Variants in RBFOX1 observed in about 807,000 individuals in gnomAD.
RBFOX1 encodes the protein RNA binding protein fox-1 homolog 1.
A neutral mutation model predicts 57.7 loss-of-function variants in RBFOX1; 8 were observed. That is an observed-to-expected ratio of 0.14 (90% confidence interval 0.08 to 0.25). RBFOX1 has a LOEUF of 0.25. Ranked by LOEUF, RBFOX1 falls within the 10% of genes least tolerant of loss-of-function variation. The pLI, the probability that RBFOX1 is intolerant of heterozygous loss-of-function variation, is 1.00. For synonymous variants in RBFOX1, 326 were observed against 222.4 expected (o/e 1.47, Z -4.15); for missense variants, 611 against 548.5 (o/e 1.11, Z -1.14).
intron 4 of RBFOX1, among the ~76,000 whole-genome samples, chr16:7,430,480 T>A (rs1396085800): frequency 6.6e-6 from 1 of 151,874 alleles, no homozygotes; most frequent in Admixed American, 6.6e-5. Context: ...GCTAACAAGG[T>A]GAAACCCCGT....
intron 1 of RBFOX1, among the ~76,000 whole-genome samples, chr16:6,094,242 C>G (rs965779221): frequency 5.9e-5 from 9 of 152,150 alleles, no homozygotes. Flanking sequence ...CTTTGACGGC[C>G]TCCTTGCATT....
At chr16:5,847,746 T>C (rs2056793443) in intron 3 of RBFOX1, among the ~76,000 whole-genome samples, 1 of 152,076 alleles carries the variant, frequency 6.6e-6, no homozygotes. Flanking sequence ...ACAGCCTCAC[T>C]CTCTCGGTCC....
intron 4 of RBFOX1, among the ~76,000 whole-genome samples, chr16:7,054,973 C>T (rs1351669280): frequency 6.6e-6 from 1 of 152,148 alleles, no homozygotes; most frequent in Non-Finnish European, 1.5e-5. Context: ...TAGGAATTGG[C>T]GTATCCAATA....
intron 3 of RBFOX1, among the ~76,000 whole-genome samples, chr16:5,717,526 C>T (rs146892113): frequency 2.0e-5 from 3 of 152,122 alleles, no homozygotes; most frequent in Non-Finnish European, 4.4e-5. Flanking sequence ...CCCTTAGTCC[C>T]CAAAGTCCAT....
chr16:7,026,283 G>A (rs2040904090), intron 3 of RBFOX1, among the ~76,000 whole-genome samples: 1 of 152,164 alleles, frequency 6.6e-6, no homozygotes, highest in South Asian at 2.1e-4. Context: ...TGGAGGCGTG[G>A]AGATTGCCAC....
intron 1 of RBFOX1, among the ~76,000 whole-genome samples, chr16:5,440,405 G>A (rs1370714771): frequency 6.6e-6 from 1 of 152,126 alleles, no homozygotes; most frequent in Non-Finnish European, 1.5e-5. Flanking sequence ...AAAGCTATGG[G>A]TTATCTTTTG....
At position 6,940,183 on chromosome 16, in the gene RBFOX1, C is replaced by G. The variant is rs531626485; in HGVS notation, c.-15-111874C>G. ...CTCCAGTCTGGGCAACAGAGTGAGA[C>G]TCCATCTCAAAAATAAAAATAAATA... On this transcript the variant is annotated intron_variant, in intron 3 of 15. Transcript: ENST00000550418. Among the ~76,000 whole-genome samples, 67 of 149,296 alleles carry G rather than the reference C, an allele frequency of 4.5e-4. 2 individuals are homozygous for G. The East Asian group carries it at 9.8e-3, about 22-fold the overall frequency.
chr16:7,591,103 A>C (rs1032435145), intron 7 of RBFOX1, among the ~76,000 whole-genome samples: 6 of 152,056 alleles, frequency 3.9e-5, no homozygotes, highest in Non-Finnish European at 8.8e-5. Flanking sequence ...ATATTGTGAG[A>C]AGGCTTCTGG....
At chr16:7,379,405 C>T (rs957157101) in intron 4 of RBFOX1, among the ~76,000 whole-genome samples, 2 of 152,140 alleles carry the variant, frequency 1.3e-5, no homozygotes, top group Non-Finnish European at 2.9e-5. Flanking sequence ...AAATAGAACA[C>T]TTGTGTGCAA....
intron 4 of RBFOX1, among the ~76,000 whole-genome samples, chr16:7,299,923 C>T (rs2095990477): frequency 6.6e-6 from 1 of 152,146 alleles, no homozygotes; most frequent in African/African-American, 2.4e-5. Context: ...TTTCACCTTA[C>T]CATGGATTTA....
intron 1 of RBFOX1, among the ~76,000 whole-genome samples, chr16:5,245,983 C>T (rs1360401242): frequency 6.6e-6 from 1 of 152,188 alleles, no homozygotes; most frequent in Admixed American, 6.5e-5. Context: ...GTGGCTCACA[C>T]CTGTAATACC....
At chr16:5,803,843 C>G (rs1453979798) in intron 3 of RBFOX1, among the ~76,000 whole-genome samples, 1 of 152,146 alleles carries the variant, frequency 6.6e-6, no homozygotes, top group African/African-American at 2.4e-5. Context: ...CTTTCCTCTC[C>G]TGGTCTTCTG....
rs900058396 is a variant in RBFOX1, at chr16:7,407,371, T to TGG, written c.28-110774_28-110773dup. ...GAATTTTGACTTCAAGGGATTTGTA[T>TGG]GGGTGTGTGTGTGTGTGTGTGTGTG... On this transcript the variant is annotated intron_variant, in intron 4 of 15. Coordinates refer to ENST00000550418, the MANE Select transcript of RBFOX1 (RefSeq NM_018723.4). Among the ~76,000 whole-genome samples the TGG allele has an allele frequency of 4.9e-3, 333 of 67,524 alleles. 1 individual carries two copies. Among genetic ancestry groups the TGG allele is most frequent in the African/African-American group, 0.014 (320 of 23,698 alleles). The allele number at this position is 67,524 out of a possible 152,430, so 44.3% of individuals were successfully genotyped here.
intron 3 of RBFOX1, among the ~76,000 whole-genome samples, chr16:6,933,231 TTTCAG>T (rs2076842726): frequency 6.6e-6 from 1 of 152,236 alleles, no homozygotes; most frequent in Admixed American, 6.5e-5. Context: ...GAGTCCCTGC[TTTCAG>T]TTGTCTTGGG....
At chr16:7,641,591 G>A (rs1209431754) in intron 11 of RBFOX1, among the ~76,000 whole-genome samples, 5 of 152,078 alleles carry the variant, frequency 3.3e-5, no homozygotes, top group East Asian at 1.9e-4. Flanking sequence ...ACCATCTATG[G>A]GTATTTATTA....
Position 7,558,512 on chromosome 16 carries a change from C to T in RBFOX1, c.271-21265C>T, listed in dbSNP as rs111722376. ...ACACATATTTTCGTATATGTATATA[C>T]ATATACAACATATATTAATATGTAT... On this transcript the variant is annotated intron_variant, in intron 5 of 15. Transcript: ENST00000550418. Among the ~76,000 whole-genome samples the T allele has an allele frequency of 3.0e-3, 463 of 151,938 alleles. 5 individuals carry two copies. The highest frequency in any genetic ancestry group is 0.011 in the African/African-American group (439 of 41,406).
intron 4 of RBFOX1, among the ~76,000 whole-genome samples, chr16:7,477,377 G>T (rs2062956171): frequency 6.6e-6 from 1 of 152,144 alleles, no homozygotes; most frequent in South Asian, 2.1e-4. Flanking sequence ...GCTCCAGTTT[G>T]GGTCTATGAA....
intron 4 of RBFOX1, among the ~76,000 whole-genome samples, chr16:7,279,913 C>T (rs929292996): frequency 1.3e-5 from 2 of 152,196 alleles, no homozygotes; most frequent in African/African-American, 2.4e-5. Flanking sequence ...TGGTCCTGAT[C>T]AGGTATGACC....
At chr16:7,055,026 T>C (rs2051642982) in intron 4 of RBFOX1, among the ~76,000 whole-genome samples, 1 of 152,188 alleles carries the variant, frequency 6.6e-6, no homozygotes, top group Admixed American at 6.5e-5. Context: ...GAAGCCTAAA[T>C]TAATTTTTCC....
Sources: gnomAD v4.1 joint callset for allele counts (sites outside exome capture counted in the v4.1 genomes callset) on GRCh38, gnomAD v4.1.1 for gene constraint, MANE v1.5 for transcripts, NCBI Gene and HGNC (gene_info 2026-07-23, HGNC 2026-07-21) for gene names.